The following MBOAT1 variants were observed in gnomAD, a reference collection of about 807,000 sequenced individuals.
The protein encoded by MBOAT1 is membrane bound glycerophospholipid O-acyltransferase 1.
A neutral mutation model predicts 64.4 loss-of-function variants in MBOAT1; 67 were observed. The ratio of observed to expected loss-of-function variants is 1.04; its 90% CI spans 0.85 to 1.27. MBOAT1 has a LOEUF of 1.27. Ranked by LOEUF, MBOAT1 falls within the 50% of genes most tolerant of loss-of-function variation. MBOAT1 has a pLI of 0.00. For missense variants in MBOAT1, 563 were observed against 604.6 expected (o/e 0.93, Z 0.72); for synonymous variants, 229 against 218.9 (o/e 1.05, Z -0.41).
At chr6:20,157,652 TACTC>T (rs1761734278) in intron 1 of MBOAT1, among the ~76,000 whole-genome samples, 2 of 152,120 alleles carry the variant, frequency 1.3e-5, no homozygotes, top group African/African-American at 4.8e-5. Context: ...TCATACTACT[TACTC>T]TATCCTCAGT....
intron 8 of MBOAT1, among the ~76,000 whole-genome samples, chr6:20,120,502 C>G (rs1283621045): frequency 6.6e-6 from 1 of 152,026 alleles, no homozygotes; most frequent in Non-Finnish European, 1.5e-5. Context: ...AACCCCATCT[C>G]TACTAAAAAT....
At chr6:20,120,722 T>G (rs1367321556) in intron 8 of MBOAT1, among the ~76,000 whole-genome samples, 2 of 152,150 alleles carry the variant, frequency 1.3e-5, no homozygotes, top group East Asian at 3.9e-4. Context: ...ATCTCAATCC[T>G]AGAACTTGAT....
intron 1 of MBOAT1, among the ~76,000 whole-genome samples, chr6:20,205,958 G>A (rs777439130): frequency 2.0e-5 from 3 of 152,058 alleles, no homozygotes; most frequent in Non-Finnish European, 4.4e-5. Flanking sequence ...CTCGCGGCTC[G>A]CAAGCTCCAC....
intron 9 of MBOAT1, among the ~76,000 whole-genome samples, 160 bp downstream of exon 9, chr6:20,118,277 A>G (rs1484901504): frequency 6.6e-6 from 1 of 152,150 alleles, no homozygotes; most frequent in Non-Finnish European, 1.5e-5. Context: ...GAAAAAAACA[A>G]TTCTGAGATG....
At chr6:20,134,711 T>G (rs1393392920) in intron 4 of MBOAT1, among the ~76,000 whole-genome samples, 1 of 152,172 alleles carries the variant, frequency 6.6e-6, no homozygotes, top group Non-Finnish European at 1.5e-5. Context: ...CTTTTTAATT[T>G]GATGAATTTA....
Position 20,101,304 on chromosome 6 carries a change from C to T in MBOAT1, c.*982G>A, listed in dbSNP as rs1321761582. 6.6e-6 allele frequency among the ~76,000 whole-genome samples: 1 copy of T among 152,140 alleles called. No individual in the cohort carries two copies. Among genetic ancestry groups the T allele is most frequent in the Non-Finnish European group, 1.5e-5 (1 of 68,032 alleles). On this transcript the variant is annotated 3_prime_UTR_variant, in exon 13 of 13. Transcript: ENST00000324607. ...CCTCTTCAGCTCCATGTACAGGAGA[C>T]TTTCTGATTTCCAATCTTGGCTCAG...
intron 4 of MBOAT1, among the ~76,000 whole-genome samples, chr6:20,141,366 T>C (rs868312866): frequency 7.5e-5 from 10 of 132,638 alleles, no homozygotes; most frequent in Non-Finnish European, 1.5e-4. Context: ...TTTCTTTTTT[T>C]TTTTTTTTTT....
At chr6:20,140,277 A>C (rs1486467769) in intron 4 of MBOAT1, among the ~76,000 whole-genome samples, 1 of 152,204 alleles carries the variant, frequency 6.6e-6, no homozygotes, top group Non-Finnish European at 1.5e-5. Flanking sequence ...AAGGGACCCA[A>C]CCTAGATTTA....
intron 1 of MBOAT1, among the ~76,000 whole-genome samples, chr6:20,171,346 G>A (rs955509596): frequency 6.6e-6 from 1 of 150,758 alleles, no homozygotes; most frequent in Non-Finnish European, 1.5e-5. Flanking sequence ...AGACCGGCCG[G>A]GGCAACATAG....
chr6:20,205,948 C>T (rs1211717024), intron 1 of MBOAT1, among the ~76,000 whole-genome samples: 1 of 152,156 alleles, frequency 6.6e-6, no homozygotes, highest in Admixed American at 6.5e-5. Flanking sequence ...CCAACCCTCA[C>T]TCGCGGCTCG....
At position 20,185,779 on chromosome 6, in the gene MBOAT1, T is replaced by C. The variant is rs114936119; in HGVS notation, c.99+26357A>G. On this transcript the variant is annotated intron_variant, in intron 1 of 12. Coordinates refer to ENST00000324607, the MANE Select transcript of MBOAT1 (RefSeq NM_001080480.3). Reference sequence around the variant, plus strand: ...TTCATCCCACCTCTTAACCAACCTATAAGACAAGTATTATTACCTCCACTT... The same window carrying C: ...TTCATCCCACCTCTTAACCAACCTACAAGACAAGTATTATTACCTCCACTT... 3.4e-3 allele frequency among the ~76,000 whole-genome samples: 523 copies of C among 152,276 alleles called. 4 individuals carry two copies. The highest frequency in any genetic ancestry group is 0.012 in the African/African-American group (500 of 41,552).
intron 4 of MBOAT1, among the ~76,000 whole-genome samples, chr6:20,135,466 C>A (rs1760959519): frequency 6.6e-6 from 1 of 152,046 alleles, no homozygotes; most frequent in Non-Finnish European, 1.5e-5. Flanking sequence ...AGCTCCTAAC[C>A]AAAAATAATT....
At chr6:20,145,653 A>G (rs1761306358) in intron 3 of MBOAT1, among the ~76,000 whole-genome samples, 1 of 152,110 alleles carries the variant, frequency 6.6e-6, no homozygotes, top group Non-Finnish European at 1.5e-5. Flanking sequence ...GCCTTCCTGG[A>G]CTCATCTCCA....
intron 11 of MBOAT1, among the ~76,000 whole-genome samples, chr6:20,111,847 C>CATATAT (rs374292054): frequency 6.4e-4 from 49 of 76,072 alleles, no homozygotes; most frequent in African/African-American, 2.4e-3. Context: ...CATATATATA[C>CATATAT]ATATATATAT....
At chr6:20,103,106 A>G (rs1437172305) in intron 12 of MBOAT1, among the ~76,000 whole-genome samples, 3 of 152,208 alleles carry the variant, frequency 2.0e-5, no homozygotes, top group African/African-American at 4.8e-5. Context: ...TTAAGAAAAA[A>G]AAGTTAACTG....
In MBOAT1 at chr6:20,152,322, G is replaced by A. The variant is rs1346173099; in HGVS notation, c.245+302C>T. 1.0e-4 allele frequency among the ~76,000 whole-genome samples: 14 copies of A among 139,732 alleles called. 1 individual carries two copies. Among genetic ancestry groups the A allele is most frequent in the African/African-American group, 3.3e-4 (12 of 36,652 alleles). 91.7% of individuals were successfully genotyped at this position (139,732 alleles called of 152,430 possible). ...AGCCTGGGCGACAGAGCGAGACTCCGTCTCAAAAAAAAAAAATAAAAAATA... is the reference window on the plus strand; with the variant it reads ...AGCCTGGGCGACAGAGCGAGACTCCATCTCAAAAAAAAAAAATAAAAAATA... On this transcript the variant is annotated intron_variant, in intron 2 of 12. Coordinates refer to ENST00000324607, the MANE Select transcript of MBOAT1 (RefSeq NM_001080480.3).
At chr6:20,188,182 A>T (rs1203087365) in intron 1 of MBOAT1, among the ~76,000 whole-genome samples, 1 of 152,264 alleles carries the variant, frequency 6.6e-6, no homozygotes, top group Non-Finnish European at 1.5e-5. Context: ...AGAATGCTAA[A>T]TAACACAATG....
At chr6:20,133,062 C>T (rs76435931) in intron 4 of MBOAT1, among the ~76,000 whole-genome samples, 340 of 152,148 alleles carry the variant, frequency 2.2e-3, no homozygotes, top group African/African-American at 7.9e-3. Flanking sequence ...CAACAAATAC[C>T]CTTTGAAATC....
chr6:20,198,938 C>T lies in MBOAT1; in HGVS notation c.99+13198G>A, dbSNP rs535681421. 1.2e-4 allele frequency among the ~76,000 whole-genome samples: 18 copies of T among 152,318 alleles called. 1 individual carries two copies. The highest frequency in any genetic ancestry group is 3.8e-4 in the African/African-American group (16 of 41,562). ...TCGACCTAAATGTTCTTCTGTACAT[C>T]GTAAACTTTAACAAGTGGAGGTGTA... is the stretch of plus-strand genomic sequence containing the variant. On this transcript the variant is annotated intron_variant, in intron 1 of 12. Coordinates refer to ENST00000324607, the MANE Select transcript of MBOAT1 (RefSeq NM_001080480.3).
Sources: gnomAD v4.1 joint callset for allele counts (sites outside exome capture counted in the v4.1 genomes callset) on GRCh38, gnomAD v4.1.1 for gene constraint, MANE v1.5 for transcripts, NCBI Gene and HGNC (gene_info 2026-07-23, HGNC 2026-07-21) for gene names.